MUC4: variants seen among roughly 807,000 people sequenced by gnomAD.
The protein encoded by MUC4 is mucin-4.
In MUC4, 202 loss-of-function variants were observed where a neutral mutation model predicts 257.9. The ratio of observed to expected loss-of-function variants is 0.78; its 90% CI spans 0.70 to 0.88. The LOEUF (loss-of-function observed/expected upper bound fraction) is 0.88, where lower values mean the gene tolerates loss of function less well. Ranked by LOEUF, MUC4 falls within the 40% of genes least tolerant of loss-of-function variation. The pLI, the probability that MUC4 is intolerant of heterozygous loss-of-function variation, is 0.00. For missense variants in MUC4, 5,976 were observed against 6,513.7 expected (o/e 0.92, Z 2.84); for synonymous variants, 2,351 against 2,757.1 (o/e 0.85, Z 4.62).
At position 195,782,463 on chromosome 3, in the gene MUC4, G is replaced by T. The variant is rs1166002898; in HGVS notation, c.9117C>A (p.Thr3039=). 3 of 1,483,766 alleles carry T rather than the reference G, an allele frequency of 2.0e-6. No homozygotes were observed. Among genetic ancestry groups the T allele is most frequent in the Non-Finnish European group, 2.7e-6 (3 of 1,107,200 alleles). The allele number at this position is 1,483,766 out of a possible 1,614,324, so 91.9% of individuals were successfully genotyped here. A position where few individuals can be genotyped will look rare whatever the true frequency, so the allele number is the denominator to read the frequency against. The change falls in exon 2 of 25, where the codon ACC becomes ACA. Residue 3039 remains threonine (T), a synonymous_variant. Coordinates refer to ENST00000463781, the MANE Select transcript of MUC4 (RefSeq NM_018406.7). ...SPSSASTGHA[T]PLPVTDTSSA... ...AGGAAGTGTCGGTGACAGGAAGCGG[G>T]GTGGCGTGACCGGTGGATGCTGAGG...
intron 16 of MUC4, 85 bp downstream of exon 16, chr3:195,760,799 C>T (rs1170669892): frequency 3.6e-6 from 4 of 1,123,058 alleles, no homozygotes; most frequent in Non-Finnish European, 5.4e-6. Flanking sequence ...AATGCAGATG[C>T]ACAGGGAAAA....
intron 1 of MUC4, among the ~76,000 whole-genome samples, chr3:195,796,149 A>G (rs1162920823): frequency 2.6e-5 from 4 of 152,114 alleles, no homozygotes; most frequent in Non-Finnish European, 5.9e-5. Context: ...CAATGGCATG[A>G]TCTCAGCTCA....
Position 195,785,160 on chromosome 3 carries a change from A to G in MUC4, c.6420T>C (p.Gly2140=), listed in dbSNP as rs771411218. ...PVTSPSSTST[G]DTTPLPVTET... ...CGGTGACAGGAAGAGGGGTGGTGTC[A>G]CCTGTGGATGTTGAGGAAGGGCTGG... The change falls in exon 2 of 25, where the codon GGT becomes GGC. Residue 2140 remains glycine (G), a synonymous_variant. Coordinates refer to ENST00000463781, the MANE Select transcript of MUC4 (RefSeq NM_018406.7). 3 of 1,542,678 alleles carry G rather than the reference A, an allele frequency of 1.9e-6. No individual in the cohort carries two copies. The highest frequency in any genetic ancestry group is 2.0e-5 in the Admixed American group (1 of 50,374).
chr3:195,790,177 C>G lies in MUC4; in HGVS notation c.1403G>C (p.Arg468Thr). The change falls in exon 2 of 25, where the codon AGG becomes ACG. Residue 468 changes from arginine to threonine, a missense_variant. Physicochemically the swap from Arg to Thr is moderately conservative, Grantham distance 71. Coordinates refer to ENST00000463781, the MANE Select transcript of MUC4 (RefSeq NM_018406.7). ...GAETTGRPHE[R>T]SSFSPGVSQE... ...AGACACACCTGGAGAGAATGAGCTC[C>G]TCTCATGAGGCCGTCCTGTGGTCTC... 1 of 1,613,990 alleles carries G rather than the reference C, an allele frequency of 6.2e-7. No individual in the cohort carries two copies. Among genetic ancestry groups the G allele is most frequent in the Non-Finnish European group, 8.5e-7 (1 of 1,179,888 alleles).
Position 195,782,341 on chromosome 3 carries a change from G to C in MUC4, c.9239C>G (p.Ser3080Ter). The stretch of plus-strand genomic sequence containing the variant: ...AGGGGTGGCGTGACCTGTGGATGCT[G>C]AGGAAGTGTCGGTGACAGGAAGCGG... ...ATPLPVTDTS[S>*]ASTGHATPLP... The change falls in exon 2 of 25, where the codon TCA (serine) becomes TGA (stop). Residue 3080 changes from serine to a stop codon, truncating the protein, a stop_gained. Coordinates refer to ENST00000463781, the MANE Select transcript of MUC4 (RefSeq NM_018406.7). LOFTEE classifies it high-confidence loss of function. 6 of 1,360,976 alleles carry C rather than the reference G, an allele frequency of 4.4e-6. No individual in the cohort carries two copies. Among genetic ancestry groups the C allele is most frequent in the Non-Finnish European group, 5.9e-6 (6 of 1,012,172 alleles). 84.3% of individuals were successfully genotyped at this position (1,360,976 alleles called of 1,614,324 possible). A position where few individuals can be genotyped will look rare whatever the true frequency, so the allele number is the denominator to read the frequency against.
At chr3:195,802,299 G>A (rs868758378) in intron 1 of MUC4, among the ~76,000 whole-genome samples, 2 of 150,292 alleles carry the variant, frequency 1.3e-5, no homozygotes, top group African/African-American at 2.4e-5. Context: ...ACCCCATCGC[G>A]TCCTCTTGTT....
chr3:195,807,918 G>C (rs573871832), intron 1 of MUC4, among the ~76,000 whole-genome samples: 2 of 152,354 alleles, frequency 1.3e-5, no homozygotes, highest in East Asian at 1.9e-4. Context: ...CTGCCTCCAC[G>C]GCTGAGCCCA....
At chr3:195,775,155 G>T (rs1225416693) in intron 3 of MUC4, among the ~76,000 whole-genome samples, 1 of 151,996 alleles carries the variant, frequency 6.6e-6, no homozygotes, top group African/African-American at 2.4e-5. Context: ...AGGCTCTCCT[G>T]GCCTCCTCAC....
At position 195,785,702 on chromosome 3, in the gene MUC4, A is replaced by G. The variant is rs1184941152; in HGVS notation, c.5878T>C (p.Ser1960Pro). Residue 1960 changes from serine to proline, a missense_variant, in exon 2 of 25, where the codon TCA becomes CCA. By Grantham distance (74) the Ser-to-Pro change is moderately conservative (BLOSUM62 -1). Transcript: ENST00000463781. ...GAGGTGGCGTGACCTGTGGGTACTG[A>G]GGAAGCGTCGGTGACAGGAAGAGGG... The part of the protein sequence containing the change: ...TTPLPVTDAS[S>P]VPTGHATSLP... 7.1e-7 allele frequency: 1 copy of G among 1,399,266 alleles called. No individual in the cohort carries two copies. Among genetic ancestry groups the G allele is most frequent in the East Asian group, 2.8e-5 (1 of 35,312 alleles). The allele number at this position is 1,399,266 out of a possible 1,614,324, so 86.7% of individuals were successfully genotyped here.
intron 1 of MUC4, among the ~76,000 whole-genome samples, chr3:195,805,986 T>C (rs1227940080): frequency 1.5e-5 from 2 of 131,074 alleles, no homozygotes; most frequent in African/African-American, 5.2e-5. Context: ...CATGGTGGCA[T>C]GTGCCTGTGA....
chr3:195,754,922 A>G (rs1370407246), intron 18 of MUC4, among the ~76,000 whole-genome samples: 4 of 145,550 alleles, frequency 2.7e-5, no homozygotes, highest in African/African-American at 1.1e-4. Context: ...TCATGCATGT[A>G]TGCATGTATC....
intron 1 of MUC4, among the ~76,000 whole-genome samples, chr3:195,808,714 T>G (rs747985942): frequency 2.0e-5 from 3 of 152,182 alleles, no homozygotes; most frequent in Non-Finnish European, 4.4e-5. Flanking sequence ...CTGTGCACCT[T>G]GCTGGTCGTT....
chr3:195,789,524 C>T lies in MUC4; in HGVS notation c.2056G>A (p.Ala686Thr), dbSNP rs769402853. The change falls in exon 2 of 25, where the codon GCA becomes ACA. Residue 686 changes from alanine (A) to threonine (T), a missense_variant. Around this residue, in one of 44 missense-constraint regions of MUC4, gnomAD observed 1,583 missense variants for 1,257.4 expected, o/e 1.26. Coordinates refer to ENST00000463781, the MANE Select transcript of MUC4 (RefSeq NM_018406.7). ...GTTGTTGCTGCACTTATGGTGGGTG[C>T]GTCCTGAGGAACAATTTCTGAGGGC... Reference protein sequence around the residue: ...HSPSEIVPQDAPTISAATTFA... With the variant: ...HSPSEIVPQDTPTISAATTFA... The T allele has an allele frequency of 1.5e-5, 24 of 1,613,684 alleles. No homozygotes were observed. The African/African-American group carries it at 1.9e-4, about 13-fold the overall frequency.
rs1448005850 is a variant in MUC4 at position 195,782,192 on chromosome 3, A to T, written c.9388T>A (p.Ser3130Thr). The T allele has an allele frequency of 2.9e-6, 4 of 1,386,356 alleles. No homozygotes were observed. In the East Asian group the frequency reaches 1.5e-4, roughly 50 times the overall value. 85.9% of individuals were successfully genotyped at this position (1,386,356 alleles called of 1,614,324 possible). A position where few individuals can be genotyped will look rare whatever the true frequency, so the allele number is the denominator to read the frequency against. The change falls in exon 2 of 25, where the codon TCC (serine) becomes ACC (threonine). Residue 3130 changes from serine (S) to threonine (T), a missense_variant. Transcript: ENST00000463781. ...GGAAGAGCGGTGGCCTGACCTGTGG[A>T]TGCTGAGGAAGTGTCGGTGACAGGA... ...PLPVTDTSSA[S>T]TGQATALPVT... is the part of the protein sequence containing the mutation.
chr3:195,759,073 CTCA>C (rs1718252749), intron 17 of MUC4, 48 bp downstream of exon 17: 1 of 1,602,720 alleles, frequency 6.2e-7, no homozygotes, highest in African/African-American at 1.3e-5. Context: ...TGACTCTGAC[CTCA>C]TCCCCTACCC....
At chr3:195,793,107 A>T (rs1411166475) in intron 1 of MUC4, among the ~76,000 whole-genome samples, 1 of 145,144 alleles carries the variant, frequency 6.9e-6, no homozygotes, top group Admixed American at 7.2e-5. Flanking sequence ...CGTTCTGCAC[A>T]TGTATCCTGA....
chr3:195,782,406 A>G lies in MUC4; in HGVS notation c.9174T>C (p.His3058=). 1 of 1,401,582 alleles carries G rather than the reference A, an allele frequency of 7.1e-7. No homozygotes were observed. Among genetic ancestry groups the G allele is most frequent in the Non-Finnish European group, 9.5e-7 (1 of 1,057,146 alleles). The allele number at this position is 1,401,582 out of a possible 1,614,324, so 86.8% of individuals were successfully genotyped here. ...TGGATGCTGAGGAAGGGCTGGTGAC[A>G]TGAAGAGGGTTGGCGTGACCTGTGG... The part of the protein sequence containing the change: ...SASTGHANPL[H]VTSPSSASTG... The change falls in exon 2 of 25, where the codon CAT becomes CAC. Residue 3058 remains histidine, a synonymous_variant. Coordinates refer to ENST00000463781, the MANE Select transcript of MUC4 (RefSeq NM_018406.7).
intron 12 of MUC4, among the ~76,000 whole-genome samples, chr3:195,763,185 C>T (rs1372630851): frequency 6.6e-6 from 1 of 152,256 alleles, no homozygotes; most frequent in African/African-American, 2.4e-5. Flanking sequence ...ATGTCATCCC[C>T]ATTCTTACTA....
rs367553032 is a variant in MUC4, at chr3:195,753,260, G to T, written c.15329-30C>A. On this transcript the variant is annotated intron_variant, in intron 19 of 24. Coordinates refer to ENST00000463781, the MANE Select transcript of MUC4 (RefSeq NM_018406.7). ...AGAGTGAGTAGGGAGGTCAGCAGCA[G>T]CGCGCAGGGCAGCAGAGGGACGGCC... The T allele has an allele frequency of 3.0e-5, 49 of 1,607,570 alleles. No homozygotes were observed. The African/African-American group carries it at 5.5e-4, about 18-fold the overall frequency.
Sources: gnomAD v4.1 joint callset for allele counts (sites outside exome capture counted in the v4.1 genomes callset) on GRCh38, gnomAD v4.1.1 for gene constraint, gnomAD v4.1.1 regional missense constraint, MANE v1.5 for transcripts, NCBI Gene and HGNC (gene_info 2026-07-23, HGNC 2026-07-21) for gene names.